Variants in CRYBG2 observed in about 807,000 individuals in gnomAD.
CRYBG2 encodes crystallin beta-gamma domain containing 2, also known as beta/gamma crystallin domain-containing protein 2.
In CRYBG2, 106 loss-of-function variants were observed where a neutral mutation model predicts 153.4. The observed-to-expected ratio is 0.69, with a 90% CI of 0.59 to 0.81. CRYBG2 has a LOEUF of 0.81. CRYBG2 is among the 30% of genes least tolerant of loss of function. CRYBG2 has a pLI of 0.00. For missense variants in CRYBG2, 1,996 were observed against 2,112.0 expected, an observed-to-expected ratio of 0.95 and a Z score of 1.08; for synonymous variants, 851 against 877.8, an observed-to-expected ratio of 0.97 and a Z score of 0.54.
At position 26,336,087 on chromosome 1, in the gene CRYBG2, G is replaced by A. The variant is rs1346029949; in HGVS notation, c.4184+8C>T. On this transcript the variant is annotated splice_region_variant and intron_variant, in intron 14 of 19. Transcript: ENST00000308182. The surrounding 1 kb of genome is among the most constrained non-coding windows in gnomAD (Gnocchi z 4.9). Reference sequence around the variant, plus strand: ...CGCCCCCAGCCCTCCGCCCCTCCACGTTCTCACCTGCCGCCGTGGACCCGG... The same window carrying A: ...CGCCCCCAGCCCTCCGCCCCTCCACATTCTCACCTGCCGCCGTGGACCCGG... The A allele has an allele frequency of 8.2e-6, 12 of 1,454,956 alleles. No individual in the cohort carries two copies. In the Admixed American group the frequency reaches 2.8e-4, roughly 34 times the overall value. The allele number at this position is 1,454,956 out of a possible 1,614,324, so 90.1% of individuals were successfully genotyped here.
chr1:26,343,414 G>T lies in CRYBG2; in HGVS notation c.2914-121C>A. ...TAACCTCCACCCGCAAGGAGCTGGCGCATAGAGGATGCTCACACTTGTTCC... is the reference window on the plus strand; with the variant it reads ...TAACCTCCACCCGCAAGGAGCTGGCTCATAGAGGATGCTCACACTTGTTCC... On this transcript the variant is annotated intron_variant, in intron 2 of 19. Coordinates refer to ENST00000308182, the MANE Select transcript of CRYBG2 (RefSeq NM_001039775.4). This position sits in a 1 kb window ranked among gnomAD's most constrained non-coding sequence, Gnocchi z 4.1. 4 of 1,208,106 alleles carry T rather than the reference G, an allele frequency of 3.3e-6. No individual in the cohort carries two copies. Among genetic ancestry groups the T allele is most frequent in the Non-Finnish European group, 3.6e-6 (3 of 840,900 alleles). 74.8% of individuals were successfully genotyped at this position (1,208,106 alleles called of 1,614,324 possible). A position where few individuals can be genotyped will look rare whatever the true frequency, so the allele number is the denominator to read the frequency against.
Position 26,346,823 on chromosome 1 carries a change from G to A in CRYBG2, c.-55-111C>T. ...GCTGGGAACCTCAGGCAAATCGCTT[G>A]GCCTTTTTGGGCCATTGCTTTCTCA... On this transcript the variant is annotated intron_variant, in intron 1 of 19. Coordinates refer to ENST00000308182, the MANE Select transcript of CRYBG2 (RefSeq NM_001039775.4). This position sits in a 1 kb window ranked among gnomAD's most constrained non-coding sequence, Gnocchi z 4.9. 1 of 638,496 alleles carries A rather than the reference G, an allele frequency of 1.6e-6. No homozygotes were observed. Among genetic ancestry groups the A allele is most frequent in the Non-Finnish European group, 2.6e-6 (1 of 385,402 alleles). The allele number at this position is 638,496 out of a possible 1,614,324, so 39.6% of individuals were successfully genotyped here. A position where few individuals can be genotyped will look rare whatever the true frequency, so the allele number is the denominator to read the frequency against.
At chr1:26,340,414 G>A (rs1265902405) in intron 5 of CRYBG2, among the ~76,000 whole-genome samples, 1 of 152,160 alleles carries the variant, frequency 6.6e-6, no homozygotes, top group East Asian at 1.9e-4. Context: ...TTTGTTCACT[G>A]TTGCAACCCA....
intron 1 of CRYBG2, among the ~76,000 whole-genome samples, chr1:26,350,822 A>G (rs955073173): frequency 6.6e-6 from 1 of 150,934 alleles, no homozygotes; most frequent in Non-Finnish European, 1.5e-5. Context: ...TCCATGAGGT[A>G]CCCTCCCCTC....
chr1:26,344,678 G>A lies in CRYBG2; in HGVS notation c.1980C>T (p.Thr660=). The change falls in exon 2 of 20, where the codon ACC becomes ACT. Residue 660 remains threonine (T), a synonymous_variant. Transcript: ENST00000308182. ...TTGGGCCTTGAACAGTCTCTTCCTTGGTGAGGGGCGGGGCAAGGCTGCCTG... is the reference window on the plus strand; with the variant it reads ...TTGGGCCTTGAACAGTCTCTTCCTTAGTGAGGGGCGGGGCAAGGCTGCCTG... The part of the protein sequence containing the change: ...GIAGSLAPPL[T]KEETVQGPIA... The A allele has an allele frequency of 4.6e-6, 7 of 1,533,462 alleles. No individual in the cohort carries two copies. The highest frequency in any genetic ancestry group is 6.1e-6 in the Non-Finnish European group (7 of 1,145,116). 95.0% of individuals were successfully genotyped at this position (1,533,462 alleles called of 1,614,324 possible).
intron 17 of CRYBG2, among the ~76,000 whole-genome samples, 194 bp downstream of exon 17, chr1:26,328,015 C>A (rs2073953042): frequency 6.6e-6 from 1 of 151,130 alleles, no homozygotes; most frequent in Non-Finnish European, 1.5e-5. Context: ...AATTAAAAGA[C>A]TTTTAAAAAG....
chr1:26,351,605 C>T (rs148711978), intron 1 of CRYBG2, among the ~76,000 whole-genome samples: 2 of 152,138 alleles, frequency 1.3e-5, no homozygotes, highest in Non-Finnish European at 2.9e-5. Flanking sequence ...TTAAAGGAGG[C>T]GGCCGATCAT....
intron 17 of CRYBG2, among the ~76,000 whole-genome samples, chr1:26,327,995 A>C (rs1344083675): frequency 1.3e-5 from 2 of 152,108 alleles, no homozygotes; most frequent in Non-Finnish European, 2.9e-5. Context: ...TTTTTTAAGA[A>C]ATAAAAATTA....
At chr1:26,341,766 G>A (rs141927846) in intron 5 of CRYBG2, among the ~76,000 whole-genome samples, 2,826 of 152,226 alleles carry the variant, frequency 0.019, 39 homozygotes, top group Non-Finnish European at 0.027. Context: ...GATTATAAGC[G>A]TGAGCCACTG....
Position 26,346,340 on chromosome 1 carries a change from C to T in CRYBG2, c.318G>A (p.Lys106=). The T allele has an allele frequency of 6.3e-7, 1 of 1,599,466 alleles. No homozygotes were observed. The part of the protein sequence containing the change: ...IFSKKYIPPP[K]EKRPEGRLKE... Reference sequence around the variant, plus strand: ...TCAGCCTCCCCTCAGGCCTTTTCTCCTTGGGAGGTGGTATGTACTTCTTGG... The same window carrying T: ...TCAGCCTCCCCTCAGGCCTTTTCTCTTTGGGAGGTGGTATGTACTTCTTGG... Residue 106 remains lysine (K), a synonymous_variant, in exon 2 of 20, where the codon AAG becomes AAA. Coordinates refer to ENST00000308182, the MANE Select transcript of CRYBG2 (RefSeq NM_001039775.4). This position sits in a 1 kb window ranked among gnomAD's most constrained non-coding sequence, Gnocchi z 4.9.
chr1:26,324,314 G>T lies in CRYBG2; in HGVS notation c.4579-4C>A. ...AGAGGCGGAAATAAACCCGGCGCTG[G>T]TGGCAGAAAGAGGCTGAGAGTCAGG... On this transcript the variant is annotated splice_region_variant and splice_polypyrimidine_tract_variant and intron_variant, in intron 17 of 19. Coordinates refer to ENST00000308182, the MANE Select transcript of CRYBG2 (RefSeq NM_001039775.4). 6.2e-7 allele frequency: 1 copy of T among 1,601,796 alleles called. No individual in the cohort carries two copies.
At chr1:26,327,961 G>A (rs1385839508) in intron 17 of CRYBG2, among the ~76,000 whole-genome samples, 12 of 132,214 alleles carry the variant, frequency 9.1e-5, no homozygotes, top group South Asian at 2.3e-4. Flanking sequence ...AAAAAAAAAA[G>A]AAAAAGAAAG....
At position 26,336,815 on chromosome 1, in the gene CRYBG2, C is replaced by G. The variant is rs1464644279; in HGVS notation, c.3911+26G>C. On this transcript the variant is annotated intron_variant, in intron 11 of 19. Transcript: ENST00000308182. The surrounding 1 kb of genome is among the most constrained non-coding windows in gnomAD (Gnocchi z 4.9). ...CGCCCCCGGCTCGCCCGGGCCCGCCCCGCTCCCGGAGCCCGGGTCACTTAC... is the reference window on the plus strand; with the variant it reads ...CGCCCCCGGCTCGCCCGGGCCCGCCGCGCTCCCGGAGCCCGGGTCACTTAC... 1 of 1,570,758 alleles carries G rather than the reference C, an allele frequency of 6.4e-7. No homozygotes were observed. Among genetic ancestry groups the G allele is most frequent in the Admixed American group, 1.9e-5 (1 of 52,892 alleles).
chr1:26,329,834 T>A (rs2073978162), intron 15 of CRYBG2, among the ~76,000 whole-genome samples: 2 of 152,138 alleles, frequency 1.3e-5, no homozygotes, highest in Non-Finnish European at 2.9e-5. Flanking sequence ...TAACCTCCAC[T>A]TTTTAAGTTC....
At chr1:26,348,626 G>A (rs2124051430) in intron 1 of CRYBG2, among the ~76,000 whole-genome samples, 1 of 152,178 alleles carries the variant, frequency 6.6e-6, no homozygotes, top group Non-Finnish European at 1.5e-5. Flanking sequence ...CACGATCTCA[G>A]CCTACTGCAA....
chr1:26,337,308 C>T lies in CRYBG2; in HGVS notation c.3716G>A (p.Trp1239Ter). The change falls in exon 10 of 20, where the codon TGG (tryptophan) becomes TAG (stop). Residue 1239 changes from tryptophan to a stop codon, truncating the protein, a stop_gained. Coordinates refer to ENST00000308182, the MANE Select transcript of CRYBG2 (RefSeq NM_001039775.4). LOFTEE classifies it high-confidence loss of function. ...CTCGTCATAGCCTCCCCAGTGTGAC[C>T]AGTCTGGGTATTCCCCCTCCTCCAG... ...YLLEEGEYPDWSHWGGYDELL... is the reference protein window; with the variant it reads ...YLLEEGEYPD 6.2e-7 allele frequency: 1 copy of T among 1,614,086 alleles called. No homozygotes were observed.
chr1:26,341,478 G>A (rs1035350608), intron 5 of CRYBG2, among the ~76,000 whole-genome samples: 1 of 152,062 alleles, frequency 6.6e-6, no homozygotes, highest in African/African-American at 2.4e-5. Flanking sequence ...CAATGTTGTT[G>A]TTTTCACAGC....
chr1:26,337,876 T>A, intron 8 of CRYBG2, 136 bp downstream of exon 8: 1 of 1,315,284 alleles, frequency 7.6e-7, no homozygotes, highest in South Asian at 1.4e-5. Context: ...AGTGAGCCCA[T>A]CAGGTCCCAT....
intron 1 of CRYBG2, among the ~76,000 whole-genome samples, chr1:26,347,284 GT>G (rs1198055868): frequency 4.3e-3 from 321 of 73,886 alleles, no homozygotes; most frequent in African/African-American, 0.011. Context: ...CTCCCCCTGC[GT>G]TTTTTTTTTT....
Sources: allele counts gnomAD v4.1 joint callset (sites outside exome capture counted in the v4.1 genomes callset), GRCh38; gene constraint gnomAD v4.1.1; non-coding constraint Gnocchi (gnomAD v3.1); transcripts MANE v1.5; gene names NCBI Gene and HGNC (gene_info 2026-07-23, HGNC 2026-07-21).